Variants in HECW1 observed in about 807,000 individuals in gnomAD.
HECW1 encodes the protein HECT, C2 and WW domain containing E3 ubiquitin protein ligase 1, also known as E3 ubiquitin-protein ligase HECW1.
A neutral mutation model predicts 182.3 loss-of-function variants in HECW1; 61 were observed. The observed-to-expected ratio is 0.33, with a 90% confidence interval of 0.27 to 0.41. The LOEUF (loss-of-function observed/expected upper bound fraction) is 0.41, where lower values mean the gene tolerates loss of function less well. HECW1 is among the 10% of genes least tolerant of loss of function. HECW1 has a pLI of 1.00. For missense variants in HECW1, 1,739 were observed against 2,108.9 expected (o/e 0.82, Z 3.44); for synonymous variants, 859 against 832.6 (o/e 1.03, Z -0.55).
chr7:43,505,666 T>G (rs981878184), intron 21 of HECW1, among the ~76,000 whole-genome samples: 2 of 152,186 alleles, frequency 1.3e-5, no homozygotes, highest in African/African-American at 2.4e-5. Context: ...ATCTTCCACC[T>G]GGAATGCTCT....
chr7:43,290,850 G>C (rs546042257), intron 3 of HECW1, among the ~76,000 whole-genome samples: 5 of 152,320 alleles, frequency 3.3e-5, no homozygotes, highest in Admixed American at 6.5e-5. Context: ...GGAGACCTAA[G>C]AGCCATGGTG....
At position 43,444,802 on chromosome 7, in the gene HECW1, A is replaced by T. The variant is rs779612633; in HGVS notation, c.1630A>T (p.Thr544Ser). The change falls in exon 11 of 30, where the codon ACG (threonine) becomes TCG (serine). Residue 544 changes from threonine (T) to serine (S), a missense_variant. Physicochemically the swap from Thr to Ser is moderately conservative, Grantham distance 58. Around this residue, in one of 5 missense-constraint regions of HECW1, gnomAD observed 971 missense variants for 1,029.1 expected, o/e 0.94. Transcript: ENST00000395891. This position sits in a 1 kb window ranked among gnomAD's most constrained non-coding sequence, Gnocchi z 4.3. ...PCSLPVSELETVIASACGDPE... is the reference protein window; with the variant it reads ...PCSLPVSELESVIASACGDPE... ...CTCCTTGCCTGTGTCCGAGCTGGAG[A>T]CGGTGATCGCGTCAGCCTGCGGGGA... 2 of 1,613,962 alleles carry T rather than the reference A, an allele frequency of 1.2e-6. No homozygotes were observed. The highest frequency in any genetic ancestry group is 2.7e-5 in the African/African-American group (2 of 74,932).
chr7:43,332,651 A>G (rs866884414), intron 5 of HECW1, among the ~76,000 whole-genome samples: 1 of 152,142 alleles, frequency 6.6e-6, no homozygotes, highest in African/African-American at 2.4e-5. Context: ...GGCTGCGGTC[A>G]CTTCAGGAGT....
At chr7:43,430,996 G>C (rs754831298) in intron 8 of HECW1, among the ~76,000 whole-genome samples, 2 of 151,718 alleles carry the variant, frequency 1.3e-5, no homozygotes, top group Non-Finnish European at 2.9e-5. Context: ...TGGCCAGGCT[G>C]GTCTCCAACT....
chr7:43,353,083 A>G (rs1024404841), intron 5 of HECW1, among the ~76,000 whole-genome samples: 4 of 152,172 alleles, frequency 2.6e-5, no homozygotes, highest in South Asian at 2.1e-4. Context: ...ATACATATTT[A>G]TAGTGGTAGA....
At chr7:43,405,356 T>C (rs192946068) in intron 7 of HECW1, among the ~76,000 whole-genome samples, 54 of 152,284 alleles carry the variant, frequency 3.5e-4, no homozygotes, top group African/African-American at 9.9e-4. Flanking sequence ...CATCTAGATA[T>C]ACTCGTGGTA....
Position 43,550,573 on chromosome 7 carries a change from G to C in HECW1, c.4377G>C (p.Leu1459=), listed in dbSNP as rs1426632555. 1.2e-6 allele frequency: 2 copies of C among 1,606,514 alleles called. No individual in the cohort carries two copies. The highest frequency in any genetic ancestry group is 1.7e-6 in the Non-Finnish European group (2 of 1,176,606). Residue 1459 remains leucine (L), a synonymous_variant, in exon 27 of 30, where the codon CTG becomes CTC. Transcript: ENST00000395891. ...ERGVVQQTEA[L]VRGFYEVVDS... is the part of the protein sequence containing the mutation. ...GCGTGGTACAGCAGACCGAGGCGCTGGTGCGCGGCTTCTACGAGGTGAGGC... is the reference window on the plus strand; with the variant it reads ...GCGTGGTACAGCAGACCGAGGCGCTCGTGCGCGGCTTCTACGAGGTGAGGC...
intron 2 of HECW1, among the ~76,000 whole-genome samples, chr7:43,157,423 T>C (rs556214025): frequency 2.0e-5 from 3 of 152,344 alleles, no homozygotes; most frequent in Admixed American, 2.0e-4. Flanking sequence ...ACTATTAAAA[T>C]AATAATTTTG....
At chr7:43,481,891 C>T (rs1442421712) in intron 17 of HECW1, among the ~76,000 whole-genome samples, 3 of 148,782 alleles carry the variant, frequency 2.0e-5, no homozygotes, top group African/African-American at 5.0e-5. Context: ...GAGGCTGAGG[C>T]GTGAACCCGG....
intron 2 of HECW1, among the ~76,000 whole-genome samples, chr7:43,200,503 C>T (rs913578538): frequency 6.6e-6 from 1 of 152,224 alleles, no homozygotes; most frequent in African/African-American, 2.4e-5. Flanking sequence ...GGTAACCCTA[C>T]CTTCCAATCT....
chr7:43,309,362 C>T (rs1404269667), intron 3 of HECW1, among the ~76,000 whole-genome samples: 2 of 152,282 alleles, frequency 1.3e-5, no homozygotes, highest in Non-Finnish European at 2.9e-5. Context: ...CAAATGTCAT[C>T]GTTCCAATCC....
chr7:43,403,456 G>GTCA (rs1402119652), intron 7 of HECW1, among the ~76,000 whole-genome samples: 1 of 152,158 alleles, frequency 6.6e-6, no homozygotes, highest in Non-Finnish European at 1.5e-5. Flanking sequence ...CTGGTCTGAA[G>GTCA]TCATCTCTGG....
intron 3 of HECW1, among the ~76,000 whole-genome samples, chr7:43,278,373 C>G (rs940283012): frequency 2.0e-5 from 3 of 152,112 alleles, no homozygotes; most frequent in Non-Finnish European, 4.4e-5. Context: ...GGAATCTGAT[C>G]GTCTCTCGGC....
intron 11 of HECW1, among the ~76,000 whole-genome samples, chr7:43,449,694 A>T (rs572463478): frequency 1.3e-5 from 2 of 152,372 alleles, no homozygotes; most frequent in African/African-American, 4.8e-5. Context: ...TTGCATCAGC[A>T]GAGGACAGAA....
chr7:43,255,101 A>T (rs115145952), intron 3 of HECW1, among the ~76,000 whole-genome samples: 2,080 of 152,336 alleles, frequency 0.014, 50 homozygotes, highest in African/African-American at 0.047. Flanking sequence ...CACAAACTCT[A>T]TGTTATTTAA....
chr7:43,270,092 T>TAG (rs1262449878), intron 3 of HECW1, among the ~76,000 whole-genome samples: 8 of 152,248 alleles, frequency 5.3e-5, no homozygotes, highest in African/African-American at 1.9e-4. Context: ...TTTTTTCACT[T>TAG]ACATTCTTTT....
rs2076596417 is a variant in HECW1 at position 43,432,878 on chromosome 7, T to C, written c.802-5125T>C. On this transcript the variant is annotated intron_variant, in intron 8 of 29. Transcript: ENST00000395891. This position sits in a 1 kb window ranked among gnomAD's most constrained non-coding sequence, Gnocchi z 4.1. Reference sequence around the variant, plus strand: ...GAGGCGATCTACCTCAGATCTTTTCTGAAGCAAGATGGAATATAATAAGCA... The same window carrying C: ...GAGGCGATCTACCTCAGATCTTTTCCGAAGCAAGATGGAATATAATAAGCA... Among the ~76,000 whole-genome samples, 1 of 152,258 alleles carries C rather than the reference T, an allele frequency of 6.6e-6. No individual in the cohort carries two copies. Among genetic ancestry groups the C allele is most frequent in the Non-Finnish European group, 1.5e-5 (1 of 68,034 alleles).
intron 2 of HECW1, chr7:43,194,298 C>T (rs1794218837): frequency 1.3e-5 from 2 of 152,104 alleles, no homozygotes; most frequent in Admixed American, 1.3e-4. Flanking sequence ...ATCACTAAAA[C>T]TTAATCTTAG....
intron 3 of HECW1, among the ~76,000 whole-genome samples, chr7:43,301,062 C>T (rs548760844): frequency 3.8e-4 from 58 of 152,288 alleles, no homozygotes; most frequent in Admixed American, 1.0e-3. Context: ...TGCTCTCCCC[C>T]TCATTGCTGC....
Sources: gnomAD v4.1 joint callset for allele counts (sites outside exome capture counted in the v4.1 genomes callset) on GRCh38, gnomAD v4.1.1 for gene constraint, gnomAD v4.1.1 regional missense constraint, Gnocchi (gnomAD v3.1) non-coding constraint, MANE v1.5 for transcripts, NCBI Gene and HGNC (gene_info 2026-07-23, HGNC 2026-07-21) for gene names.